The following SMAP2 variants were observed in gnomAD, a reference collection of about 807,000 sequenced individuals.
SMAP2 encodes small ArfGAP2.
SMAP2 carries 25 observed loss-of-function variants against 56.4 expected under a neutral mutation model. The observed-to-expected ratio is 0.44, with a 90% CI of 0.32 to 0.62. SMAP2 has a LOEUF of 0.62. Among genes scored for constraint, SMAP2 ranks in the 20% least tolerant of loss-of-function variants. The pLI is 0.04. For missense variants in SMAP2, 388 were observed against 545.6 expected (o/e 0.71, Z 2.88); for synonymous variants, 157 against 181.7 (o/e 0.86, Z 1.09).
intron 1 of SMAP2, among the ~76,000 whole-genome samples, chr1:40,375,528 A>C (rs965429527): frequency 6.6e-6 from 1 of 152,228 alleles, no homozygotes; most frequent in African/African-American, 2.4e-5. Flanking sequence ...CCAACAGATA[A>C]ATGGAATGTG....
At chr1:40,378,000 T>C (rs190692778) in intron 1 of SMAP2, among the ~76,000 whole-genome samples, 1 of 152,234 alleles carries the variant, frequency 6.6e-6, no homozygotes, top group Non-Finnish European at 1.5e-5. Flanking sequence ...TTATAATATC[T>C]AATACAATGT....
At chr1:40,397,607 C>T (rs988030428) in intron 1 of SMAP2, among the ~76,000 whole-genome samples, 3 of 152,098 alleles carry the variant, frequency 2.0e-5, no homozygotes, top group African/African-American at 7.2e-5. Flanking sequence ...ATTTAACACA[C>T]ATTTATTGTG....
intron 1 of SMAP2, among the ~76,000 whole-genome samples, chr1:40,391,528 G>A (rs1256777879): frequency 6.6e-6 from 1 of 152,150 alleles, no homozygotes; most frequent in East Asian, 1.9e-4. Flanking sequence ...AGCAACCTAG[G>A]AAGGCCCTGG....
At chr1:40,413,673 G>A (rs572204458) in intron 5 of SMAP2, among the ~76,000 whole-genome samples, 55 of 152,280 alleles carry the variant, frequency 3.6e-4, no homozygotes, top group Middle Eastern at 3.4e-3. Context: ...TTTTATCATC[G>A]TTCTGAATCA....
chr1:40,358,587 C>T (rs552764349), intron 1 of SMAP2, among the ~76,000 whole-genome samples: 12 of 152,224 alleles, frequency 7.9e-5, no homozygotes, highest in African/African-American at 2.4e-4. Context: ...GCTGGGATTA[C>T]AGGCATGAGC....
chr1:40,365,949 T>A (rs1644479650), intron 2 of SMAP2, among the ~76,000 whole-genome samples: 2 of 145,738 alleles, frequency 1.4e-5, no homozygotes, highest in South Asian at 4.5e-4. Flanking sequence ...AGTTGAAAAC[T>A]TTGAAAAAAA....
intron 6 of SMAP2, 94 bp downstream of exon 6, chr1:40,414,334 T>C: frequency 1.8e-6 from 2 of 1,113,856 alleles, no homozygotes; most frequent in Non-Finnish European, 2.7e-6. Context: ...TTCTCCAGTT[T>C]TGTCTTCATT....
At position 40,373,999 on chromosome 1, in the gene SMAP2, G is replaced by C; in HGVS notation, c.-122G>C. ...GCGTCCGGCGGGGCCGGAGGAGAGG[G>C]CTCTCCCCGCTCAGGAGGTGCCCCT... On this transcript the variant is annotated 5_prime_UTR_variant, in exon 1 of 10. Transcript: ENST00000372718. 1 of 707,672 alleles carries C rather than the reference G, an allele frequency of 1.4e-6. No individual in the cohort carries two copies. The allele number at this position is 707,672 out of a possible 1,614,324, so 43.8% of individuals were successfully genotyped here. A position where few individuals can be genotyped will look rare whatever the true frequency, so the allele number is the denominator to read the frequency against.
intron 1 of SMAP2, among the ~76,000 whole-genome samples, chr1:40,349,021 C>T (rs188770020): frequency 1.0e-3 from 156 of 152,284 alleles, no homozygotes; most frequent in African/African-American, 3.6e-3. Flanking sequence ...CCACCTGCCT[C>T]GGCCTCCCAA....
chr1:40,402,098 CCT>C (rs1644840203), intron 1 of SMAP2, among the ~76,000 whole-genome samples: 1 of 152,146 alleles, frequency 6.6e-6, no homozygotes, highest in Non-Finnish European at 1.5e-5. Context: ...TGGCATATTG[CCT>C]CTCAGCATTT....
At chr1:40,349,107 T>C (rs1644400146) in intron 1 of SMAP2, among the ~76,000 whole-genome samples, 1 of 152,192 alleles carries the variant, frequency 6.6e-6, no homozygotes, top group Non-Finnish European at 1.5e-5. Flanking sequence ...GCTCATATTA[T>C]CTTCTCTATT....
At chr1:40,402,268 G>A (rs926750489) in intron 1 of SMAP2, among the ~76,000 whole-genome samples, 1 of 152,076 alleles carries the variant, frequency 6.6e-6, no homozygotes, top group Non-Finnish European at 1.5e-5. Context: ...TTCACATAAT[G>A]TGTAATAACC....
chr1:40,421,599 G>C (rs1269376367), intron 9 of SMAP2, among the ~76,000 whole-genome samples: 1 of 152,198 alleles, frequency 6.6e-6, no homozygotes, highest in Non-Finnish European at 1.5e-5. Context: ...GGGAGCACTG[G>C]GGAGGGGGCT....
chr1:40,359,789 CA>C (rs1271321822), intron 1 of SMAP2, among the ~76,000 whole-genome samples: 1 of 151,966 alleles, frequency 6.6e-6, no homozygotes, highest in Non-Finnish European at 1.5e-5. Context: ...AACAGACAAG[CA>C]AAGAAAAAAA....
In SMAP2 at chr1:40,402,459, G is replaced by GT. The variant is rs199787956; in HGVS notation, c.104-4267dup. Among the ~76,000 whole-genome samples, 589 of 146,254 alleles carry GT rather than the reference G, an allele frequency of 4.0e-3. 6 individuals carry two copies. The highest frequency in any genetic ancestry group is 0.011 in the African/African-American group (443 of 39,950). ...CTTCTAACTGTATTTTTGTATTTTT[G>GT]TTTTTTTTTTGAGACAAGGTCTCGC... On this transcript the variant is annotated intron_variant, in intron 1 of 9. Transcript: ENST00000372718.
At chr1:40,387,951 C>T (rs558178652) in intron 1 of SMAP2, among the ~76,000 whole-genome samples, 4 of 152,226 alleles carry the variant, frequency 2.6e-5, no homozygotes, top group African/African-American at 7.2e-5. Context: ...TTGGAGCAGC[C>T]GGCCAGCCCT....
intron 1 of SMAP2, among the ~76,000 whole-genome samples, chr1:40,376,775 C>T (rs1180770178): frequency 1.3e-5 from 2 of 152,120 alleles, no homozygotes; most frequent in Non-Finnish European, 2.9e-5. Flanking sequence ...ATTCCTGTGT[C>T]CTTTCCTAAA....
intron 7 of SMAP2, 129 bp downstream of exon 7, chr1:40,415,510 C>G: frequency 1.4e-6 from 1 of 706,308 alleles, no homozygotes; most frequent in Non-Finnish European, 2.5e-6. Flanking sequence ...TTCATTCTTC[C>G]CTTAACATTG....
rs145354267 is a variant in SMAP2, at chr1:40,415,350, T to C, written c.650T>C (p.Val217Ala). 1.2e-5 allele frequency: 19 copies of C among 1,613,544 alleles called. No individual in the cohort carries two copies. Among genetic ancestry groups the C allele is most frequent in the African/African-American group, 8.0e-5 (6 of 74,926 alleles). The change falls in exon 7 of 10, where the codon GTT (valine) becomes GCT (alanine). Residue 217 changes from valine (V) to alanine (A), a missense_variant. Physicochemically the swap from Val to Ala is moderately conservative, Grantham distance 64. Transcript: ENST00000372718. ...LEKDLDLLAS[V>A]PSPSSSGSRK... Reference sequence around the variant, plus strand: ...AAGGATTTAGATCTGTTGGCCTCTGTTCCATCCCCTTCTTCTTCCGGTTCC... The same window carrying C: ...AAGGATTTAGATCTGTTGGCCTCTGCTCCATCCCCTTCTTCTTCCGGTTCC...
Sources: allele counts gnomAD v4.1 joint callset (sites outside exome capture counted in the v4.1 genomes callset), GRCh38; gene constraint gnomAD v4.1.1; transcripts MANE v1.5; gene names NCBI Gene and HGNC (gene_info 2026-07-23, HGNC 2026-07-21).